The following CCDC171 variants were observed in gnomAD, a reference collection of about 807,000 sequenced individuals.
The protein encoded by CCDC171 is coiled-coil domain-containing protein 171.
Under a neutral mutation model 168.2 loss-of-function variants are expected in CCDC171, and 177 were observed. The ratio of observed to expected loss-of-function variants is 1.05; its 90% CI spans 0.93 to 1.19. The LOEUF (loss-of-function observed/expected upper bound fraction) is 1.19. CCDC171 is among the 50% of genes most tolerant of loss of function. CCDC171 has a pLI of 0.00. For missense variants in CCDC171, 1,991 were observed against 1,539.0 expected (o/e 1.29, Z -4.91); for synonymous variants, 687 against 540.8 (o/e 1.27, Z -3.75).
At chr9:15,819,404 G>A (rs193118622) in intron 21 of CCDC171, among the ~76,000 whole-genome samples, 2,657 of 116,082 alleles carry the variant, frequency 0.023, 794 homozygotes, top group African/African-American at 0.08. Flanking sequence ...CTGGCAAATT[G>A]GATAGTCAAG....
chr9:16,017,356 C>T (rs552998190), intron 3 of CCDC171, among the ~76,000 whole-genome samples: 1 of 151,954 alleles, frequency 6.6e-6, no homozygotes, highest in South Asian at 2.1e-4. Flanking sequence ...GTAAACATGC[C>T]TCTGTTACTA....
At chr9:15,743,197 G>A (rs1462510085) in intron 16 of CCDC171, among the ~76,000 whole-genome samples, 2 of 113,758 alleles carry the variant, frequency 1.8e-5, no homozygotes, top group East Asian at 2.5e-4. Context: ...ACAGCGTCTT[G>A]CCCTGTTACC....
intron 8 of CCDC171, among the ~76,000 whole-genome samples, chr9:15,662,691 G>C (rs866422360): frequency 6.6e-6 from 1 of 151,856 alleles, no homozygotes; most frequent in Non-Finnish European, 1.5e-5. Context: ...AATAAACATT[G>C]CCAGTTGGAC....
intron 24 of CCDC171, among the ~76,000 whole-genome samples, chr9:15,891,547 G>A (rs1452125652): frequency 6.6e-6 from 1 of 152,128 alleles, no homozygotes; most frequent in Non-Finnish European, 1.5e-5. Flanking sequence ...TGCAAAAAGT[G>A]TAAATCAGAA....
chr9:15,681,256 G>A (rs544375779), intron 10 of CCDC171, among the ~76,000 whole-genome samples: 1 of 152,252 alleles, frequency 6.6e-6, no homozygotes, highest in Non-Finnish European at 1.5e-5. Flanking sequence ...GCTAAAAGCA[G>A]TTGCAGATCT....
chr9:16,039,480 A>G (rs1346356830), upstream of CCDC171, among the ~76,000 whole-genome samples: 5 of 152,222 alleles, frequency 3.3e-5, no homozygotes, highest in African/African-American at 1.2e-4. Flanking sequence ...GGCTGTCACA[A>G]AGACATGGAA....
At chr9:15,722,341 G>T (rs1335245022) in intron 12 of CCDC171, among the ~76,000 whole-genome samples, 1 of 152,202 alleles carries the variant, frequency 6.6e-6, no homozygotes, top group African/African-American at 2.4e-5. Flanking sequence ...GCAGTAAAGT[G>T]TTGTTAGAAG....
chr9:15,886,730 AAT>A (rs1819449792), intron 24 of CCDC171: 1 of 144,048 alleles, frequency 6.9e-6, no homozygotes, highest in Non-Finnish European at 1.5e-5. Context: ...TCCTCTGATG[AAT>A]GAATGGACAG....
intron 25 of CCDC171, among the ~76,000 whole-genome samples, chr9:15,924,654 T>A (rs542147917): frequency 1.1e-3 from 169 of 151,740 alleles, no homozygotes; most frequent in Middle Eastern, 3.4e-3. Flanking sequence ...TGCTCCTTTC[T>A]GCAGCCTGTT....
rs572929426 is a variant in CCDC171, at chr9:15,857,380, A to G, written c.3468+8433A>G. 1.5e-3 allele frequency among the ~76,000 whole-genome samples: 229 copies of G among 152,030 alleles called. 7 individuals carry two copies. The South Asian group carries it at 0.046, about 30-fold the overall frequency. ...TTGTAAGTCTTATGTTTAAGTCTTT[A>G]ATCCATTGTAAATAGATTTTTTTTA... On this transcript the variant is annotated intron_variant, in intron 23 of 25. Transcript: ENST00000380701.
intron 6 of CCDC171, among the ~76,000 whole-genome samples, chr9:15,605,680 C>T (rs1414224791): frequency 8.2e-6 from 1 of 121,810 alleles, no homozygotes; most frequent in Middle Eastern, 3.8e-3. Context: ...GAGCGAGACT[C>T]TGTCAAAAAA....
intron 6 of CCDC171, among the ~76,000 whole-genome samples, chr9:15,617,913 C>A (rs1479253421): frequency 2.6e-5 from 4 of 152,196 alleles, no homozygotes; most frequent in Admixed American, 6.5e-5. Context: ...CTGATGCCAG[C>A]TGGAGCTCTC....
At chr9:16,010,078 C>G (rs1832824404) in intron 3 of CCDC171, among the ~76,000 whole-genome samples, 2 of 151,906 alleles carry the variant, frequency 1.3e-5, no homozygotes, top group Admixed American at 1.3e-4. Context: ...AACAGAGTAC[C>G]CAACATAGAG....
At chr9:15,783,786 C>G (rs942129460) in intron 20 of CCDC171, among the ~76,000 whole-genome samples, 1 of 152,150 alleles carries the variant, frequency 6.6e-6, no homozygotes, top group Non-Finnish European at 1.5e-5. Flanking sequence ...ATTGTAAAAA[C>G]CATGTTGTGT....
intron 6 of CCDC171, among the ~76,000 whole-genome samples, chr9:15,614,478 G>C (rs1387082424): frequency 6.6e-6 from 1 of 152,098 alleles, no homozygotes; most frequent in Non-Finnish European, 1.5e-5. Flanking sequence ...ATGCTTTTTG[G>C]ATTACTGCAA....
chr9:16,042,144 G>T (rs920468304), upstream of CCDC171, among the ~76,000 whole-genome samples: 2 of 152,240 alleles, frequency 1.3e-5, no homozygotes, highest in Non-Finnish European at 2.9e-5. Context: ...TGCGAAGCTA[G>T]TGGTATCCAG....
At chr9:15,645,398 G>T (rs2046959990) in intron 7 of CCDC171, among the ~76,000 whole-genome samples, 1 of 152,198 alleles carries the variant, frequency 6.6e-6, no homozygotes, top group Non-Finnish European at 1.5e-5. Context: ...GAATGACTTT[G>T]AGGAGTTGAG....
intron 24 of CCDC171, among the ~76,000 whole-genome samples, chr9:15,905,791 A>G (rs1246606628): frequency 2.6e-5 from 4 of 152,238 alleles, no homozygotes; most frequent in Admixed American, 2.6e-4. Context: ...CTAATAAAGA[A>G]GAAAAGAGAG....
chr9:16,007,447 A>T (rs865941572), intron 3 of CCDC171, among the ~76,000 whole-genome samples: 9 of 151,954 alleles, frequency 5.9e-5, no homozygotes, highest in Non-Finnish European at 1.3e-4. Flanking sequence ...TTAGATCCCA[A>T]TTGTCAATTT....
Sources: gnomAD v4.1 joint callset for allele counts (sites outside exome capture counted in the v4.1 genomes callset) on GRCh38, gnomAD v4.1.1 for gene constraint, MANE v1.5 for transcripts, NCBI Gene and HGNC (gene_info 2026-07-23, HGNC 2026-07-21) for gene names.